HIP1: variants seen among roughly 807,000 people sequenced by gnomAD.
The protein encoded by HIP1 is huntingtin-interacting protein 1.
HIP1 carries 65 observed loss-of-function variants against 147.6 expected under a neutral mutation model. That is an observed-to-expected ratio of 0.44 (90% CI 0.36 to 0.54). The LOEUF is 0.54. Ranked by LOEUF, HIP1 falls within the 20% of genes least tolerant of loss-of-function variation. HIP1 has a pLI of 0.00. For synonymous variants in HIP1, 479 were observed against 504.0 expected (o/e 0.95, Z 0.67); for missense variants, 1,061 against 1,299.6 (o/e 0.82, Z 2.82).
Position 75,620,766 on chromosome 7 carries a change from G to A in HIP1, c.121-21519C>T, listed in dbSNP as rs1428720431. On this transcript the variant is annotated intron_variant, in intron 1 of 30. Coordinates refer to ENST00000336926, the MANE Select transcript of HIP1 (RefSeq NM_005338.7). ...CAGAGATGACGATCTCTGTCCTCACGGAGCTTATATTTTAGCAGGGGAGAC... is the reference window on the plus strand; with the variant it reads ...CAGAGATGACGATCTCTGTCCTCACAGAGCTTATATTTTAGCAGGGGAGAC... Among the ~76,000 whole-genome samples the A allele has an allele frequency of 3.3e-5, 5 of 151,956 alleles. No homozygotes were observed. The East Asian group carries it at 5.8e-4, about 18-fold the overall frequency.
Position 75,568,255 on chromosome 7 carries a change from G to A in HIP1, c.747C>T (p.Cys249=), listed in dbSNP as rs374587383. ...GGCCTTGCAGGGTGTCAGCTGGGAGGCCTGGAAGAAATTGGAAAGAGTGTG... is the reference window on the plus strand; with the variant it reads ...GGCCTTGCAGGGTGTCAGCTGGGAGACCTGGAAGAAATTGGAAAGAGTGTG... ...TVKLLFKLHS[C]LPADTLQGHR... Residue 249 remains cysteine (C), a splice_region_variant and synonymous_variant, in exon 9 of 31, where the codon TGC becomes TGT. Transcript: ENST00000336926. This position sits in a 1 kb window ranked among gnomAD's most constrained non-coding sequence, Gnocchi z 4.1. The A allele has an allele frequency of 3.1e-6, 5 of 1,610,944 alleles. No homozygotes were observed. The highest frequency in any genetic ancestry group is 4.2e-6 in the Non-Finnish European group (5 of 1,177,308).
chr7:75,685,675 C>T (rs563462216), intron 1 of HIP1, among the ~76,000 whole-genome samples: 3 of 152,124 alleles, frequency 2.0e-5, no homozygotes, highest in East Asian at 1.9e-4. Flanking sequence ...CAGCCTCCCA[C>T]GTAGCTGGGA....
intron 1 of HIP1, among the ~76,000 whole-genome samples, chr7:75,698,195 C>A (rs545018417): frequency 3.2e-4 from 49 of 152,050 alleles, no homozygotes; most frequent in Non-Finnish European, 5.9e-4. Flanking sequence ...TTCCTATTTT[C>A]TATTCATTAC....
chr7:75,708,872 G>A (rs1801079114), intron 1 of HIP1, among the ~76,000 whole-genome samples: 1 of 151,902 alleles, frequency 6.6e-6, no homozygotes. Flanking sequence ...TTTTAAGATG[G>A]GTTTTTCTGT....
In HIP1 at chr7:75,536,670, G is replaced by T. The variant is rs1316363331; in HGVS notation, c.*1502C>A. 1 of 229,210 alleles carries T rather than the reference G, an allele frequency of 4.4e-6. No homozygotes were observed. The highest frequency in any genetic ancestry group is 8.6e-6 in the Non-Finnish European group (1 of 115,692). 14.2% of individuals were successfully genotyped at this position (229,210 alleles called of 1,614,324 possible). ...GGGCATGTGGCTGAAAGGAGTTGGA[G>T]CCGCTGGCTCTGTCCTTTCTCATTT... is the stretch of plus-strand genomic sequence containing the variant. On this transcript the variant is annotated 3_prime_UTR_variant, in exon 31 of 31. Transcript: ENST00000336926.
chr7:75,581,594 C>A (rs781840977), intron 6 of HIP1, among the ~76,000 whole-genome samples: 1 of 152,166 alleles, frequency 6.6e-6, no homozygotes, highest in Non-Finnish European at 1.5e-5. Flanking sequence ...GCCTGGCCAA[C>A]GCGGCGAAAC....
chr7:75,562,230 G>A, intron 11 of HIP1, 60 bp from the exon 12 acceptor site: 1 of 1,072,546 alleles, frequency 9.3e-7, no homozygotes, highest in Non-Finnish European at 1.5e-6. Context: ...CTGTGTGTGG[G>A]TCAGTTGAGT....
chr7:75,645,325 C>T (rs1798768075), intron 1 of HIP1, among the ~76,000 whole-genome samples: 1 of 152,104 alleles, frequency 6.6e-6, no homozygotes, highest in Non-Finnish European at 1.5e-5. Context: ...CTCCCGGGTT[C>T]AAGCGATTCT....
intron 1 of HIP1, among the ~76,000 whole-genome samples, chr7:75,662,845 A>C (rs998347100): frequency 5.8e-4 from 88 of 152,270 alleles, no homozygotes; most frequent in Non-Finnish European, 1.3e-4. Context: ...AGCTGAGAGG[A>C]GGAATAATTA....
At chr7:75,719,116 A>G (rs1801412735) in intron 1 of HIP1, among the ~76,000 whole-genome samples, 1 of 151,978 alleles carries the variant, frequency 6.6e-6, no homozygotes, top group South Asian at 2.1e-4. Flanking sequence ...CCAGGAGTTC[A>G]AGGCCAGCCT....
chr7:75,711,298 C>A (rs1801159425), intron 1 of HIP1, among the ~76,000 whole-genome samples: 1 of 152,286 alleles, frequency 6.6e-6, no homozygotes, highest in Non-Finnish European at 1.5e-5. Flanking sequence ...CAAAGTATCA[C>A]AATTACACTG....
At chr7:75,599,948 G>C (rs1445795507) in intron 1 of HIP1, among the ~76,000 whole-genome samples, 1 of 148,612 alleles carries the variant, frequency 6.7e-6, no homozygotes, top group East Asian at 2.0e-4. Flanking sequence ...CGATTCTCCC[G>C]CCTCAGCCTC....
At position 75,599,210 on chromosome 7, in the gene HIP1, A is replaced by G; in HGVS notation, c.158T>C (p.Val53Ala). 1 of 1,613,528 alleles carries G rather than the reference A, an allele frequency of 6.2e-7. No individual in the cohort carries two copies. The highest frequency in any genetic ancestry group is 8.5e-7 in the Non-Finnish European group (1 of 1,179,452). ...TCTGGCGTGTTTTTCCTTTACAGCC[A>G]CTTCCTGCGTATTAATGGCCTTATT... is the stretch of plus-strand genomic sequence containing the variant. ...SINKAINTQEVAVKEKHARTC... is the reference protein window; with the variant it reads ...SINKAINTQEAAVKEKHARTC... Residue 53 changes from valine to alanine, a missense_variant, in exon 2 of 31, where the codon GTG (valine) becomes GCG (alanine). Val to Ala is a moderately conservative substitution (Grantham distance 64). Transcript: ENST00000336926.
chr7:75,697,520 T>C (rs1800678126), intron 1 of HIP1, among the ~76,000 whole-genome samples: 1 of 152,200 alleles, frequency 6.6e-6, no homozygotes. Context: ...TAAAAGTCAT[T>C]CTCATTTATT....
Position 75,663,930 on chromosome 7 carries a change from G to GTGTGTATATATATATACACATATA in HIP1, c.121-64684_121-64683insTATATGTGTATATATATATACACA, listed in dbSNP as rs1799396071. Among the ~76,000 whole-genome samples the GTGTGTATATATATATACACATATA allele has an allele frequency of 3.1e-5, 2 of 63,794 alleles. 1 individual carries two copies. Among genetic ancestry groups the GTGTGTATATATATATACACATATA allele is most frequent in the Non-Finnish European group, 5.9e-5 (2 of 33,716 alleles). The allele number at this position is 63,794 out of a possible 152,430, so 41.9% of individuals were successfully genotyped here. A position where few individuals can be genotyped will look rare whatever the true frequency, so the allele number is the denominator to read the frequency against. ...AGCTACCTTCCATTATTTTATGTAT[G>GTGTGTATATATATATACACATATA]TGTGTATATATATATATACACATAT... On this transcript the variant is annotated intron_variant, in intron 1 of 30. Coordinates refer to ENST00000336926, the MANE Select transcript of HIP1 (RefSeq NM_005338.7).
intron 30 of HIP1, among the ~76,000 whole-genome samples, chr7:75,538,889 T>C (rs1794192174): frequency 6.6e-6 from 1 of 152,128 alleles, no homozygotes; most frequent in Admixed American, 6.6e-5. Context: ...CCTGATCCCT[T>C]CTGTCTTTTG....
At chr7:75,594,769 A>C (rs781921203) in intron 2 of HIP1, among the ~76,000 whole-genome samples, 6 of 152,140 alleles carry the variant, frequency 3.9e-5, no homozygotes, top group Non-Finnish European at 5.9e-5. Context: ...GCGAGACTCC[A>C]TCTCAAAAAT....
chr7:75,667,629 G>A (rs1554514740), intron 1 of HIP1, among the ~76,000 whole-genome samples: 1 of 152,136 alleles, frequency 6.6e-6, no homozygotes, highest in African/African-American at 2.4e-5. Context: ...GAGGCTACAC[G>A]CGTGTGCCAT....
At position 75,567,565 on chromosome 7, in the gene HIP1, G is replaced by A. The variant is rs184168939; in HGVS notation, c.803+634C>T. On this transcript the variant is annotated intron_variant, in intron 9 of 30. Transcript: ENST00000336926. ...CGCCTGTAATCCCAACACTTTGGGAGGCTGAGGTGGGCAGATCACAAGGTC... is the reference window on the plus strand; with the variant it reads ...CGCCTGTAATCCCAACACTTTGGGAAGCTGAGGTGGGCAGATCACAAGGTC... Among the ~76,000 whole-genome samples the A allele has an allele frequency of 1.2e-4, 18 of 151,516 alleles. 2 individuals are homozygous for A. Among genetic ancestry groups the A allele is most frequent in the African/African-American group, 3.9e-4 (16 of 40,818 alleles).
Sources: allele counts gnomAD v4.1 joint callset (sites outside exome capture counted in the v4.1 genomes callset), GRCh38; gene constraint gnomAD v4.1.1; non-coding constraint Gnocchi (gnomAD v3.1); transcripts MANE v1.5; gene names NCBI Gene and HGNC (gene_info 2026-07-23, HGNC 2026-07-21).